Variants in PCDH11X observed in about 807,000 individuals in gnomAD.
PCDH11X encodes protocadherin-11 X-linked.
In PCDH11X, 18 loss-of-function variants were observed where a neutral mutation model predicts 53.3. The ratio of observed to expected loss-of-function variants is 0.34; its 90% CI spans 0.23 to 0.50. The LOEUF (loss-of-function observed/expected upper bound fraction) is 0.50, where lower values mean the gene tolerates loss of function less well. Ranked by LOEUF, PCDH11X falls within the 20% of genes least tolerant of loss-of-function variation. The pLI is 0.98. For synonymous variants in PCDH11X, 279 were observed against 393.3 expected, an observed-to-expected ratio of 0.71 and a Z score of 3.44; for missense variants, 570 against 1,032.4, an observed-to-expected ratio of 0.55 and a Z score of 6.14.
chrX:92,311,339 A>T (rs1322364272), intron 8 of PCDH11X, among the ~76,000 whole-genome samples: 1 of 109,669 alleles, frequency 9.1e-6, no homozygotes, highest in Non-Finnish European at 1.9e-5. Flanking sequence ...TTAGATTCTA[A>T]GTGGTAAATA....
At chrX:91,791,584 G>A (rs1313838975) in intron 1 of PCDH11X, among the ~76,000 whole-genome samples, 1 of 109,621 alleles carries the variant, frequency 9.1e-6, no homozygotes, top group East Asian at 2.9e-4. Flanking sequence ...TGAGATTTGG[G>A]TAGGGACCCG....
intron 6 of PCDH11X, among the ~76,000 whole-genome samples, chrX:92,171,648 T>A (rs1475522217): frequency 9.1e-6 from 1 of 110,184 alleles, no homozygotes; most frequent in African/African-American, 3.3e-5. Flanking sequence ...TTAGTAGAGA[T>A]GGGGTTTCAC....
chrX:91,890,767 C>T (rs1229640241), intron 6 of PCDH11X, among the ~76,000 whole-genome samples: 1 of 110,188 alleles, frequency 9.1e-6, no homozygotes, highest in Non-Finnish European at 1.9e-5. Flanking sequence ...TTTGCTGTTT[C>T]ATGTGTCTTC....
chrX:92,514,925 T>C (rs892016559), intron 10 of PCDH11X, among the ~76,000 whole-genome samples: 1 of 103,378 alleles, frequency 9.7e-6, no homozygotes, highest in African/African-American at 3.6e-5. Flanking sequence ...CGGGTGCCTG[T>C]AGTCCCAGCT....
intron 8 of PCDH11X, among the ~76,000 whole-genome samples, chrX:92,342,597 C>A (rs1467398563): frequency 1.8e-5 from 2 of 111,733 alleles, no homozygotes; most frequent in Middle Eastern, 4.6e-3. Flanking sequence ...TGAACAAATA[C>A]AGAAACAGAA....
chrX:92,105,253 T>C (rs2064352755), intron 6 of PCDH11X, among the ~76,000 whole-genome samples: 3 of 110,544 alleles, frequency 2.7e-5, no homozygotes, highest in Non-Finnish European at 3.8e-5. Flanking sequence ...TGAGGGATAA[T>C]GAGGGAGGTT....
At chrX:92,533,532 G>A (rs886906303) in intron 10 of PCDH11X, among the ~76,000 whole-genome samples, 7 of 106,766 alleles carry the variant, frequency 6.6e-5, no homozygotes, top group Non-Finnish European at 1.2e-4. Context: ...TGGAAGAACC[G>A]ACAGAAGACC....
intron 7 of PCDH11X, among the ~76,000 whole-genome samples, chrX:92,251,145 A>C (rs2148398109): frequency 9.0e-6 from 1 of 110,955 alleles, no homozygotes; most frequent in Non-Finnish European, 1.9e-5. Context: ...AGGAACCCTT[A>C]TTTCTCTATT....
intron 8 of PCDH11X, among the ~76,000 whole-genome samples, chrX:92,374,788 CA>C (rs2070702544): frequency 9.1e-6 from 1 of 110,148 alleles, no homozygotes; most frequent in African/African-American, 3.3e-5. Context: ...TCAATTGAGC[CA>C]GGTTTTAAAG....
intron 6 of PCDH11X, among the ~76,000 whole-genome samples, chrX:92,123,099 A>C (rs1365765523): frequency 9.0e-6 from 1 of 111,236 alleles, no homozygotes; most frequent in Non-Finnish European, 1.9e-5. Context: ...TTTTGGGGAA[A>C]GTTTATTCCT....
At chrX:92,509,238 T>G (rs1187067585) in intron 10 of PCDH11X, among the ~76,000 whole-genome samples, 2 of 110,358 alleles carry the variant, frequency 1.8e-5, no homozygotes, top group South Asian at 7.8e-4. Flanking sequence ...GATTTGCTTC[T>G]TAGCTCAAAT....
intron 5 of PCDH11X, among the ~76,000 whole-genome samples, chrX:91,848,418 T>G (rs1434680469): frequency 9.0e-6 from 1 of 111,389 alleles, no homozygotes; most frequent in Admixed American, 9.6e-5. Context: ...CTGTCTTCTA[T>G]TATACTGGCT....
intron 10 of PCDH11X, among the ~76,000 whole-genome samples, chrX:92,557,514 A>G (rs1360540338): frequency 9.0e-6 from 1 of 111,438 alleles, no homozygotes; most frequent in Admixed American, 9.6e-5. Context: ...TTTTATCTCC[A>G]TTTGAAACCA....
chrX:91,957,975 G>A (rs896394295), intron 6 of PCDH11X, among the ~76,000 whole-genome samples: 6 of 109,720 alleles, frequency 5.5e-5, no homozygotes, highest in African/African-American at 2.0e-4. Context: ...AGTGGCTGGA[G>A]CCCCCTCAGA....
At chrX:92,018,104 A>C (rs1311161679) in intron 6 of PCDH11X, among the ~76,000 whole-genome samples, 1 of 106,768 alleles carries the variant, frequency 9.4e-6, no homozygotes, top group Non-Finnish European at 1.9e-5. Context: ...TATTTGTCTC[A>C]TTCTTACTAT....
rs760172788 is a variant in PCDH11X at position 92,472,511 on chromosome X, A to G, written c.3367+4189A>G. On this transcript the variant is annotated intron_variant, in intron 10 of 10. Transcript: ENST00000682573. ...CCAGTGCCATGCCATTCTGGTTACTATAATCCTGTAGTATAGTATAGTTTG... is the reference window on the plus strand; with the variant it reads ...CCAGTGCCATGCCATTCTGGTTACTGTAATCCTGTAGTATAGTATAGTTTG... Among the ~76,000 whole-genome samples, 86 of 106,843 alleles carry G rather than the reference A, an allele frequency of 8.0e-4. 1 individual carries two copies. Among genetic ancestry groups the G allele is most frequent in the Non-Finnish European group, 3.3e-4 (17 of 52,019 alleles). The allele number at this position is 106,843 out of a possible 115,157, so 92.8% of individuals were successfully genotyped here.
At chrX:92,287,875 T>C (rs1200034085) in intron 8 of PCDH11X, 1 of 495,200 alleles carries the variant, frequency 2.0e-6, no homozygotes, top group East Asian at 3.6e-5. Flanking sequence ...GCTGTTCTTG[T>C]GATAGTGAGT....
At chrX:92,457,479 CACA>C (rs1215856953) in intron 9 of PCDH11X, among the ~76,000 whole-genome samples, 3 of 108,324 alleles carry the variant, frequency 2.8e-5, no homozygotes, top group Non-Finnish European at 5.8e-5. Context: ...TACAAGAAAT[CACA>C]ACTTCAGTCC....
chrX:91,797,215 A>T (rs1053956695), intron 1 of PCDH11X, among the ~76,000 whole-genome samples: 3 of 111,025 alleles, frequency 2.7e-5, no homozygotes, highest in Non-Finnish European at 5.7e-5. Context: ...TGTCGTTAAC[A>T]ATTCAGTTAC....
Sources: gnomAD v4.1 joint callset for allele counts (sites outside exome capture counted in the v4.1 genomes callset) on GRCh38, gnomAD v4.1.1 for gene constraint, MANE v1.5 for transcripts, NCBI Gene and HGNC (gene_info 2026-07-23, HGNC 2026-07-21) for gene names.